Variants in MLLT1 observed in about 807,000 individuals in gnomAD.
MLLT1 encodes MLLT1 super elongation complex subunit.
In MLLT1, 11 loss-of-function variants were observed where a neutral mutation model predicts 55.1. The ratio of observed to expected loss-of-function variants is 0.20; its 90% CI spans 0.13 to 0.33. MLLT1 has a LOEUF of 0.33. MLLT1 is among the 10% of genes least tolerant of loss of function. The probability of loss-of-function intolerance (pLI) is 1.00; values close to 1 mark genes in which losing one functional copy is unlikely to be tolerated. For synonymous variants in MLLT1, 323 were observed against 320.1 expected, an observed-to-expected ratio of 1.01 and a Z score of -0.10; for missense variants, 536 against 760.6, an observed-to-expected ratio of 0.70 and a Z score of 3.47.
At chr19:6,233,201 G>A (rs1240804075) in intron 3 of MLLT1, among the ~76,000 whole-genome samples, 2 of 152,226 alleles carry the variant, frequency 1.3e-5, no homozygotes, top group Admixed American at 1.3e-4. Flanking sequence ...ACCAGGCTCC[G>A]CAAGCTCCGG....
At position 6,211,100 on chromosome 19, in the gene MLLT1, G is replaced by A; in HGVS notation, c.*1942C>T. The A allele has an allele frequency of 4.3e-6, 1 of 232,570 alleles. No individual in the cohort carries two copies. Among genetic ancestry groups the A allele is most frequent in the Non-Finnish European group, 8.5e-6 (1 of 117,600 alleles). The allele number at this position is 232,570 out of a possible 1,614,324, so 14.4% of individuals were successfully genotyped here. A position where few individuals can be genotyped will look rare whatever the true frequency, so the allele number is the denominator to read the frequency against. On this transcript the variant is annotated 3_prime_UTR_variant, in exon 12 of 12. Coordinates refer to ENST00000252674, the MANE Select transcript of MLLT1 (RefSeq NM_005934.4). The surrounding 1 kb of genome is among the most constrained non-coding windows in gnomAD (Gnocchi z 4.6). The stretch of plus-strand genomic sequence containing the variant: ...AGAAAGGCCAGCACCCTGGGCTGAG[G>A]TTCCTGTCCGTGACCCCGGCGGCCT...
In MLLT1 at chr19:6,213,817, C is replaced by T. The variant is rs377227607; in HGVS notation, c.1408-20G>A. 17 of 1,612,740 alleles carry T rather than the reference C, an allele frequency of 1.1e-5. No individual in the cohort carries two copies. The highest frequency in any genetic ancestry group is 1.4e-5 in the Non-Finnish European group (17 of 1,179,240). On this transcript the variant is annotated intron_variant, in intron 9 of 11. Coordinates refer to ENST00000252674, the MANE Select transcript of MLLT1 (RefSeq NM_005934.4). The stretch of plus-strand genomic sequence containing the variant: ...TGACACCTGCAGGGAACCCAGGTCT[C>T]TGCTGAGCTGTGGCCCACACCCTCC...
intron 2 of MLLT1, among the ~76,000 whole-genome samples, chr19:6,267,711 C>T (rs10404353): frequency 0.022 from 3,413 of 152,274 alleles, 140 homozygotes; most frequent in African/African-American, 0.078. Context: ...AACATGTCAA[C>T]GCCGCCTACT....
chr19:6,216,534 G>A, intron 7 of MLLT1, 21 bp from the exon 8 acceptor site: 8 of 1,522,116 alleles, frequency 5.3e-6, no homozygotes, highest in Non-Finnish European at 7.2e-6. Flanking sequence ...GGGGCAGGGA[G>A]GGAGGGGAGA....
intron 8 of MLLT1, among the ~76,000 whole-genome samples, chr19:6,215,244 G>A (rs1045928954): frequency 3.9e-5 from 6 of 152,230 alleles, no homozygotes; most frequent in East Asian, 1.9e-4. Context: ...AAGGCGCTTC[G>A]CGTGTGGCTC....
At position 6,253,244 on chromosome 19, in the gene MLLT1, G is replaced by T. The variant is rs146824286; in HGVS notation, c.276+8984C>A. 9.2e-3 allele frequency among the ~76,000 whole-genome samples: 1,069 copies of T among 116,782 alleles called. 50 individuals are homozygous for T. The East Asian group carries it at 0.15, about 17-fold the overall frequency. The allele number at this position is 116,782 out of a possible 152,430, so 76.6% of individuals were successfully genotyped here. A position where few individuals can be genotyped will look rare whatever the true frequency, so the allele number is the denominator to read the frequency against. On this transcript the variant is annotated intron_variant, in intron 3 of 11. Coordinates refer to ENST00000252674, the MANE Select transcript of MLLT1 (RefSeq NM_005934.4). ...TGCGCCACTGCACTCCAGCCTGGGCGACAGAGCGAGACCCCATCTCAAAAA... is the reference window on the plus strand; with the variant it reads ...TGCGCCACTGCACTCCAGCCTGGGCTACAGAGCGAGACCCCATCTCAAAAA...
At position 6,230,239 on chromosome 19, in the gene MLLT1, G is replaced by A. The variant is rs2090996481; in HGVS notation, c.420+331C>T. ...GGCAGGGGCCCTGTGCGGAGGCCCT[G>A]CCCAGCTAGTTACAAGCCAGCTCCA... On this transcript the variant is annotated intron_variant, in intron 4 of 11. Coordinates refer to ENST00000252674, the MANE Select transcript of MLLT1 (RefSeq NM_005934.4). This position sits in a 1 kb window ranked among gnomAD's most constrained non-coding sequence, Gnocchi z 9.0. Among the ~76,000 whole-genome samples the A allele has an allele frequency of 6.6e-6, 1 of 152,192 alleles. No homozygotes were observed. Among genetic ancestry groups the A allele is most frequent in the Non-Finnish European group, 1.5e-5 (1 of 68,010 alleles).
At chr19:6,236,581 C>A (rs916131404) in intron 3 of MLLT1, among the ~76,000 whole-genome samples, 6 of 152,202 alleles carry the variant, frequency 3.9e-5, no homozygotes, top group African/African-American at 1.2e-4. Context: ...CCCCGAAGCA[C>A]CCTGCGGCCA....
chr19:6,236,214 C>G (rs1384896364), intron 3 of MLLT1, among the ~76,000 whole-genome samples: 1 of 152,196 alleles, frequency 6.6e-6, no homozygotes, highest in Non-Finnish European at 1.5e-5. Context: ...AGCAGTGACA[C>G]CAGTGTGACA....
chr19:6,215,534 C>A (rs2144845506), intron 8 of MLLT1, among the ~76,000 whole-genome samples: 1 of 152,334 alleles, frequency 6.6e-6, no homozygotes, highest in Admixed American at 6.5e-5. Context: ...CATGTGCCTG[C>A]TGGCCTGGCG....
intron 3 of MLLT1, among the ~76,000 whole-genome samples, chr19:6,261,603 G>A (rs1251109746): frequency 1.3e-5 from 2 of 150,638 alleles, no homozygotes; most frequent in African/African-American, 2.4e-5. Context: ...CTGGGAGGAG[G>A]AGCAGGGGCA....
Position 6,222,779 on chromosome 19 carries a change from T to A in MLLT1, c.547-95A>T, listed in dbSNP as rs903912249. 30 of 1,009,012 alleles carry A rather than the reference T, an allele frequency of 3.0e-5. No individual in the cohort carries two copies. The highest frequency in any genetic ancestry group is 3.7e-5 in the Non-Finnish European group (27 of 729,052). 62.5% of individuals were successfully genotyped at this position (1,009,012 alleles called of 1,614,324 possible). A position where few individuals can be genotyped will look rare whatever the true frequency, so the allele number is the denominator to read the frequency against. On this transcript the variant is annotated intron_variant, in intron 5 of 11. Transcript: ENST00000252674. This position sits in a 1 kb window ranked among gnomAD's most constrained non-coding sequence, Gnocchi z 4.1. Reference sequence around the variant, plus strand: ...CGCCACCCCTGACCCCTACAAAGCATAATCCACCTGATTCAGCCTCAGCTA... The same window carrying A: ...CGCCACCCCTGACCCCTACAAAGCAAAATCCACCTGATTCAGCCTCAGCTA...
intron 3 of MLLT1, among the ~76,000 whole-genome samples, chr19:6,260,602 G>T (rs2091296370): frequency 6.6e-6 from 1 of 152,268 alleles, no homozygotes; most frequent in African/African-American, 2.4e-5. Flanking sequence ...CTTGCCTGAG[G>T]GCACTAGGAA....
At chr19:6,250,032 A>G (rs1272262436) in intron 3 of MLLT1, among the ~76,000 whole-genome samples, 2 of 152,178 alleles carry the variant, frequency 1.3e-5, no homozygotes, top group Non-Finnish European at 2.9e-5. Flanking sequence ...AAAAAAAACA[A>G]AAACAAAGAC....
chr19:6,224,747 T>C (rs1421919480), intron 5 of MLLT1, among the ~76,000 whole-genome samples: 1 of 152,228 alleles, frequency 6.6e-6, no homozygotes, highest in Non-Finnish European at 1.5e-5. Context: ...GCTTTTGTTT[T>C]GAGACGGAGT....
chr19:6,217,185 T>G (rs567810204), intron 7 of MLLT1, among the ~76,000 whole-genome samples: 2 of 151,572 alleles, frequency 1.3e-5, no homozygotes, highest in East Asian at 2.0e-4. Context: ...AAGGGCCCCA[T>G]CCCCCAGCCC....
rs2090793989 is a variant in MLLT1, at chr19:6,212,859, TGGCGATGGAGC to T, written c.*172_*182del. ...TGGCCCAGCCCGGCCCCAGGGCTCCTGGCGATGGAGCGGGGAGAGTGGGCAGGGAGCCGCCG... is the reference window on the plus strand; with the variant it reads ...TGGCCCAGCCCGGCCCCAGGGCTCCTGGGGAGAGTGGGCAGGGAGCCGCCG... On this transcript the variant is annotated 3_prime_UTR_variant, in exon 12 of 12. Transcript: ENST00000252674. The T allele has an allele frequency of 1.0e-6, 1 of 962,526 alleles. No homozygotes were observed. The highest frequency in any genetic ancestry group is 3.3e-5 in the Admixed American group (1 of 30,734). 59.6% of individuals were successfully genotyped at this position (962,526 alleles called of 1,614,324 possible). A position where few individuals can be genotyped will look rare whatever the true frequency, so the allele number is the denominator to read the frequency against.
rs771792409 is a variant in MLLT1 at position 6,210,534 on chromosome 19, C to T, written c.*2508G>A. 21 of 218,520 alleles carry T rather than the reference C, an allele frequency of 9.6e-5. No homozygotes were observed. The highest frequency in any genetic ancestry group is 3.7e-4 in the South Asian group (2 of 5,402). The allele number at this position is 218,520 out of a possible 1,614,324, so 13.5% of individuals were successfully genotyped here. A position where few individuals can be genotyped will look rare whatever the true frequency, so the allele number is the denominator to read the frequency against. On this transcript the variant is annotated 3_prime_UTR_variant, in exon 12 of 12. Coordinates refer to ENST00000252674, the MANE Select transcript of MLLT1 (RefSeq NM_005934.4). This position sits in a 1 kb window ranked among gnomAD's most constrained non-coding sequence, Gnocchi z 4.6. ...ATTCCTTTTATCCAGGAGTTGGTCT[C>T]GGGCCGATGAGTGTCCTAGTTCCTA...
intron 5 of MLLT1, among the ~76,000 whole-genome samples, chr19:6,223,163 G>A (rs2090920435): frequency 6.6e-6 from 1 of 152,122 alleles, no homozygotes; most frequent in South Asian, 2.1e-4. Context: ...CTTCCTGCTC[G>A]GTCACTCACG....
Sources: gnomAD v4.1 joint callset for allele counts (sites outside exome capture counted in the v4.1 genomes callset) on GRCh38, gnomAD v4.1.1 for gene constraint, Gnocchi (gnomAD v3.1) non-coding constraint, MANE v1.5 for transcripts, NCBI Gene and HGNC (gene_info 2026-07-23, HGNC 2026-07-21) for gene names.